The following ADRA1A variants were observed in gnomAD, a reference collection of about 807,000 sequenced individuals.
ADRA1A encodes the protein adrenoceptor alpha 1A, also known as alpha-1A adrenergic receptor.
Under a neutral mutation model 29.6 loss-of-function variants are expected in ADRA1A, and 31 were observed. The ratio of observed to expected loss-of-function variants is 1.05; its 90% CI spans 0.79 to 1.41. The LOEUF (loss-of-function observed/expected upper bound fraction) is 1.41, where lower values mean the gene tolerates loss of function less well. Among genes scored for constraint, ADRA1A ranks in the 40% most tolerant of loss-of-function variants. The pLI, the probability that ADRA1A is intolerant of heterozygous loss-of-function variation, is 0.00. For synonymous variants in ADRA1A, 311 were observed against 254.3 expected, an observed-to-expected ratio of 1.22 and a Z score of -2.12; for missense variants, 619 against 601.1, an observed-to-expected ratio of 1.03 and a Z score of -0.31.
intron 2 of ADRA1A, among the ~76,000 whole-genome samples, chr8:26,838,878 A>G (rs962927122): frequency 1.9e-4 from 29 of 152,290 alleles, no homozygotes; most frequent in Admixed American, 1.4e-3. Flanking sequence ...GTAAACCACC[A>G]GTGTGTCCTC....
In ADRA1A at chr8:26,773,625, G is replaced by GA. The variant is rs370696696; in HGVS notation, c.884-2960dup. ...TTGAAGAATTTCAATTTTTAAAAAA[G>GA]AAAAAAAAATATGCACTATGAATGT... On this transcript the variant is annotated intron_variant, in intron 2 of 2. Transcript: ENST00000380573. 5.3e-5 allele frequency among the ~76,000 whole-genome samples: 8 copies of GA among 150,478 alleles called. No individual in the cohort carries two copies. The South Asian group carries it at 6.4e-4, about 12-fold the overall frequency.
chr8:26,828,047 C>G (rs1041463632), intron 2 of ADRA1A, among the ~76,000 whole-genome samples: 2 of 152,044 alleles, frequency 1.3e-5, no homozygotes, highest in Non-Finnish European at 2.9e-5. Context: ...GCATGTGCCA[C>G]CATGCCTGGA....
chr8:26,844,614 G>C (rs1812066594), intron 2 of ADRA1A, among the ~76,000 whole-genome samples: 1 of 152,144 alleles, frequency 6.6e-6, no homozygotes, highest in Non-Finnish European at 1.5e-5. Context: ...AGGGTGCCAA[G>C]ACCACTCAGT....
chr8:26,851,268 C>T (rs761985862), intron 2 of ADRA1A, among the ~76,000 whole-genome samples: 39 of 152,162 alleles, frequency 2.6e-4, no homozygotes, highest in Non-Finnish European at 4.4e-4. Context: ...GGTGGAGTAA[C>T]AGAGAGAACT....
At chr8:26,839,939 A>T (rs1188680685) in intron 2 of ADRA1A, among the ~76,000 whole-genome samples, 1 of 152,156 alleles carries the variant, frequency 6.6e-6, no homozygotes, top group Non-Finnish European at 1.5e-5. Context: ...CCAGCCTCAC[A>T]CCACATGTTC....
downstream of ADRA1A, among the ~76,000 whole-genome samples, chr8:26,761,152 T>G (rs987859824): frequency 4.6e-5 from 7 of 152,228 alleles, no homozygotes; most frequent in African/African-American, 1.7e-4. Context: ...TAAAATACTT[T>G]AAATAGATAT....
At chr8:26,750,117 C>T (rs1271949642) in intron 2 of ADRA1A, among the ~76,000 whole-genome samples, 1 of 152,164 alleles carries the variant, frequency 6.6e-6, no homozygotes, top group Non-Finnish European at 1.5e-5. Flanking sequence ...CTGGTAAAGG[C>T]CTGTTTTCTG....
chr8:26,786,178 T>C (rs1807366439), intron 2 of ADRA1A, among the ~76,000 whole-genome samples: 1 of 152,192 alleles, frequency 6.6e-6, no homozygotes, highest in Non-Finnish European at 1.5e-5. Flanking sequence ...TGGCCTGCCT[T>C]TCACTCTCTT....
In ADRA1A at chr8:26,769,024, G is replaced by A; in HGVS notation, c.*1125C>T. 2 of 985,428 alleles carry A rather than the reference G, an allele frequency of 2.0e-6. No individual in the cohort carries two copies. The highest frequency in any genetic ancestry group is 2.4e-6 in the Non-Finnish European group (2 of 829,928). The allele number at this position is 985,428 out of a possible 1,614,324, so 61.0% of individuals were successfully genotyped here. A position where few individuals can be genotyped will look rare whatever the true frequency, so the allele number is the denominator to read the frequency against. On this transcript the variant is annotated 3_prime_UTR_variant, in exon 3 of 3. Transcript: ENST00000380573. The stretch of plus-strand genomic sequence containing the variant: ...CAGTATTGTCTGAAGCTAAGCATTA[G>A]TATTTTTCAAAGTTCGGGAATAATG...
intron 2 of ADRA1A, among the ~76,000 whole-genome samples, chr8:26,792,069 A>G (rs766359954): frequency 1.3e-5 from 2 of 152,150 alleles, no homozygotes; most frequent in African/African-American, 2.4e-5. Context: ...TAGGAATACA[A>G]TACATGCTTG....
chr8:26,845,886 C>T (rs1344564467), intron 2 of ADRA1A, among the ~76,000 whole-genome samples: 1 of 152,144 alleles, frequency 6.6e-6, no homozygotes, highest in East Asian at 1.9e-4. Flanking sequence ...TCAGCACATC[C>T]ATACAGATTG....
chr8:26,766,722 C>A (rs1805812963), downstream of ADRA1A, among the ~76,000 whole-genome samples: 1 of 152,002 alleles, frequency 6.6e-6, no homozygotes, highest in African/African-American at 2.4e-5. Flanking sequence ...TCATGGTTCC[C>A]CTTGGCCTTG....
At chr8:26,857,544 G>A (rs1004893006) in intron 2 of ADRA1A, among the ~76,000 whole-genome samples, 1 of 152,146 alleles carries the variant, frequency 6.6e-6, no homozygotes, top group African/African-American at 2.4e-5. Context: ...GGTGGTGCAT[G>A]CCTGTAGTCC....
At position 26,860,824 on chromosome 8, in the gene ADRA1A, C is replaced by G. The variant is rs1470183791; in HGVS notation, c.883+3263G>C. ...TTGCCTATCCCATCAGTGCCTCTCTCTATCCCATCGTTCCCATCAGAATAT... is the reference window on the plus strand; with the variant it reads ...TTGCCTATCCCATCAGTGCCTCTCTGTATCCCATCGTTCCCATCAGAATAT... On this transcript the variant is annotated intron_variant, in intron 2 of 2. Transcript: ENST00000380573. The surrounding 1 kb of genome is among the most constrained non-coding windows in gnomAD (Gnocchi z 4.7). Among the ~76,000 whole-genome samples, 1 of 152,120 alleles carries G rather than the reference C, an allele frequency of 6.6e-6. No homozygotes were observed. Among genetic ancestry groups the G allele is most frequent in the Non-Finnish European group, 1.5e-5 (1 of 68,028 alleles).
intron 2 of ADRA1A, among the ~76,000 whole-genome samples, chr8:26,791,734 G>A (rs1807849898): frequency 6.6e-6 from 1 of 152,134 alleles, no homozygotes; most frequent in African/African-American, 2.4e-5. Context: ...TCCTAACAAA[G>A]CTTTTGTATT....
chr8:26,802,176 G>A lies in ADRA1A; in HGVS notation c.884-31510C>T, dbSNP rs76328520. Among the ~76,000 whole-genome samples the A allele has an allele frequency of 8.5e-5, 13 of 152,158 alleles. No homozygotes were observed. In the East Asian group the frequency reaches 2.5e-3, roughly 29 times the overall value. On this transcript the variant is annotated intron_variant, in intron 2 of 2. Coordinates refer to ENST00000380573, the MANE Select transcript of ADRA1A (RefSeq NM_000680.4). ...GACGTTGGGCTGGCATACATTTATT[G>A]AGTAATATCCCAAAGCACAGGCAAC... is the stretch of plus-strand genomic sequence containing the variant.
chr8:26,865,993 G>A lies in ADRA1A; in HGVS notation c.-686-338C>T, dbSNP rs576071895. Among the ~76,000 whole-genome samples the A allele has an allele frequency of 3.9e-5, 6 of 152,338 alleles. No individual in the cohort carries two copies. In the South Asian group the frequency reaches 1.2e-3, roughly 32 times the overall value. On this transcript the variant is annotated intron_variant, in intron 1 of 2. Transcript: ENST00000380573. The surrounding 1 kb of genome is among the most constrained non-coding windows in gnomAD (Gnocchi z 7.6). ...ACGAAATTAAAATCCTCGAAGCCCC[G>A]GAGGGGCGACTGCGGCTGGCGAGTG...
At position 26,865,733 on chromosome 8, in the gene ADRA1A, G is replaced by A; in HGVS notation, c.-686-78C>T. ...AGGCTGTGCTGAGCTTGACGGGTTGGGGGACACCAGTTGGGAGCCGGGTTG... is the reference window on the plus strand; with the variant it reads ...AGGCTGTGCTGAGCTTGACGGGTTGAGGGACACCAGTTGGGAGCCGGGTTG... On this transcript the variant is annotated intron_variant, in intron 1 of 2. Coordinates refer to ENST00000380573, the MANE Select transcript of ADRA1A (RefSeq NM_000680.4). The surrounding 1 kb of genome is among the most constrained non-coding windows in gnomAD (Gnocchi z 7.6). 2 of 985,232 alleles carry A rather than the reference G, an allele frequency of 2.0e-6. No homozygotes were observed. The highest frequency in any genetic ancestry group is 9.4e-5 in the South Asian group (2 of 21,276). 61.0% of individuals were successfully genotyped at this position (985,232 alleles called of 1,614,324 possible).
intron 2 of ADRA1A, among the ~76,000 whole-genome samples, chr8:26,814,005 A>T (rs965055601): frequency 2.0e-5 from 3 of 152,138 alleles, no homozygotes; most frequent in Non-Finnish European, 2.9e-5. Flanking sequence ...GGGCCCACAG[A>T]TGTGGTTTGT....
Sources: allele counts gnomAD v4.1 joint callset (sites outside exome capture counted in the v4.1 genomes callset), GRCh38; gene constraint gnomAD v4.1.1; non-coding constraint Gnocchi (gnomAD v3.1); transcripts MANE v1.5; gene names NCBI Gene and HGNC (gene_info 2026-07-23, HGNC 2026-07-21).